Variants in KCTD1 observed in about 807,000 individuals in gnomAD.
KCTD1 encodes BTB/POZ domain-containing protein KCTD1.
KCTD1 carries 24 observed loss-of-function variants against 66.0 expected under a neutral mutation model. The ratio of observed to expected loss-of-function variants is 0.36; its 90% CI spans 0.26 to 0.51. The LOEUF (loss-of-function observed/expected upper bound fraction) is 0.51, where lower values mean the gene tolerates loss of function less well. KCTD1 is among the 20% of genes least tolerant of loss of function. KCTD1 has a pLI of 0.95. For missense variants in KCTD1, 943 were observed against 1,205.2 expected, an observed-to-expected ratio of 0.78 and a Z score of 3.22; for synonymous variants, 511 against 517.2, an observed-to-expected ratio of 0.99 and a Z score of 0.16.
At chr18:26,593,494 A>AG in intron 1 of KCTD1, among the ~76,000 whole-genome samples, 2 of 90,662 alleles carry the variant, frequency 2.2e-5, no homozygotes, top group East Asian at 4.4e-4. Flanking sequence ...GAAGACAAGG[A>AG]GGAGGAGGAA....
In KCTD1 at chr18:26,647,125, T is replaced by C. The variant is rs146004359; in HGVS notation, c.9+10235A>G. Among the ~76,000 whole-genome samples the C allele has an allele frequency of 1.3e-3, 201 of 152,308 alleles. 2 individuals carry two copies. Among genetic ancestry groups the C allele is most frequent in the African/African-American group, 4.6e-3 (193 of 41,566 alleles). On this transcript the variant is annotated intron_variant, in intron 1 of 4. Transcript: ENST00000580191. ...CCTATAGAAAACCACCTGCACTTCT[T>C]ACAGAGCTAGTGTGACTTATACAAC...
chr18:26,496,341 T>C (rs1211180021), intron 2 of KCTD1, among the ~76,000 whole-genome samples: 1 of 152,232 alleles, frequency 6.6e-6, no homozygotes, highest in East Asian at 1.9e-4. Flanking sequence ...GGTGGTAATA[T>C]ATTTTTCTTG....
chr18:26,467,976 C>T (rs1980840950), intron 3 of KCTD1, among the ~76,000 whole-genome samples: 1 of 152,010 alleles, frequency 6.6e-6, no homozygotes, highest in Non-Finnish European at 1.5e-5. Flanking sequence ...ACATGGGGGC[C>T]ACTTACCAAA....
At chr18:26,517,095 ACT>A (rs1983689663) in intron 1 of KCTD1, among the ~76,000 whole-genome samples, 1 of 152,196 alleles carries the variant, frequency 6.6e-6, no homozygotes, top group South Asian at 2.1e-4. Flanking sequence ...GCCTGTGCTC[ACT>A]GAGGAATCTC....
chr18:26,581,746 A>G (rs1986358358), intron 1 of KCTD1: 1 of 152,194 alleles, frequency 6.6e-6, no homozygotes, highest in African/African-American at 2.4e-5. Context: ...AAATAAATAC[A>G]TACATATTTG....
chr18:26,551,493 C>T (rs1985564999), upstream of KCTD1, among the ~76,000 whole-genome samples: 1 of 152,088 alleles, frequency 6.6e-6, no homozygotes, highest in Non-Finnish European at 1.5e-5. Flanking sequence ...GGATCTGCTT[C>T]GTTGCACCAG....
At position 26,651,783 on chromosome 18, in the gene KCTD1, CAAA is replaced by C. The variant is rs397858862; in HGVS notation, c.9+5574_9+5576del. Among the ~76,000 whole-genome samples, 448 of 75,226 alleles carry C rather than the reference CAAA, an allele frequency of 6.0e-3. 1 individual carries two copies. Among genetic ancestry groups the C allele is most frequent in the Non-Finnish European group, 9.7e-3 (362 of 37,364 alleles). The allele number at this position is 75,226 out of a possible 152,430, so 49.4% of individuals were successfully genotyped here. On this transcript the variant is annotated intron_variant, in intron 1 of 4. Transcript: ENST00000580191. Reference sequence around the variant, plus strand: ...TGGGTGACAGAGCAAAACTCGGTCTCAAAAAAAAAAAAAAAAAAGAAGAAGAAG... The same window carrying C: ...TGGGTGACAGAGCAAAACTCGGTCTCAAAAAAAAAAAAAAAGAAGAAGAAG...
chr18:26,489,654 TG>T (rs1395668139), intron 2 of KCTD1, among the ~76,000 whole-genome samples: 1 of 152,242 alleles, frequency 6.6e-6, no homozygotes, highest in Non-Finnish European at 1.5e-5. Flanking sequence ...TTTTCCACGT[TG>T]GCCTGATAAA....
intron 1 of KCTD1, among the ~76,000 whole-genome samples, chr18:26,608,383 T>A (rs545670750): frequency 6.6e-6 from 1 of 152,322 alleles, no homozygotes; most frequent in South Asian, 2.1e-4. Flanking sequence ...GTTTTTCAGT[T>A]CTTTAGTTCA....
intron 1 of KCTD1, among the ~76,000 whole-genome samples, chr18:26,582,105 CAAA>C (rs34695011): frequency 2.2e-4 from 29 of 134,780 alleles, no homozygotes; most frequent in Admixed American, 4.5e-4. Context: ...CTGTCTCTAC[CAAA>C]AAAAAAAAAA....
chr18:26,615,316 T>C (rs1351730529), intron 1 of KCTD1, among the ~76,000 whole-genome samples: 2 of 152,184 alleles, frequency 1.3e-5, no homozygotes, highest in Non-Finnish European at 2.9e-5. Context: ...CTCTCATTTA[T>C]GGAGCAAGGG....
chr18:26,526,151 G>A (rs995218238), intron 1 of KCTD1, among the ~76,000 whole-genome samples: 13 of 152,154 alleles, frequency 8.5e-5, no homozygotes, highest in South Asian at 6.2e-4. Context: ...AAAATCCAGG[G>A]TGGCACAAAA....
At chr18:26,654,222 T>C (rs1429380398) in intron 1 of KCTD1, among the ~76,000 whole-genome samples, 2 of 152,182 alleles carry the variant, frequency 1.3e-5, no homozygotes, top group Non-Finnish European at 1.5e-5. Context: ...TACTCTTACA[T>C]TTAAAAACCT....
At chr18:26,584,631 C>T (rs1289536820) in intron 1 of KCTD1, among the ~76,000 whole-genome samples, 3 of 152,086 alleles carry the variant, frequency 2.0e-5, no homozygotes, top group Non-Finnish European at 4.4e-5. Context: ...ACAGTCCCTG[C>T]CTTTAAGGGG....
intron 1 of KCTD1, among the ~76,000 whole-genome samples, chr18:26,561,805 A>T (rs1985856879): frequency 6.6e-6 from 1 of 152,198 alleles, no homozygotes; most frequent in Non-Finnish European, 1.5e-5. Context: ...TCTAGGAATC[A>T]GGGTCAGAGT....
At chr18:26,593,487 GACA>G (rs199859230) in intron 1 of KCTD1, among the ~76,000 whole-genome samples, 1 of 110,822 alleles carries the variant, frequency 9.0e-6, no homozygotes, top group African/African-American at 3.6e-5. Flanking sequence ...GGAGGAAGAA[GACA>G]AGGAGGAGGA....
chr18:26,570,691 A>T (rs1567997052), intron 1 of KCTD1, among the ~76,000 whole-genome samples: 1 of 152,176 alleles, frequency 6.6e-6, no homozygotes, highest in Non-Finnish European at 1.5e-5. Flanking sequence ...GATTACAGGC[A>T]TGAGCCACCA....
At chr18:26,580,331 C>T (rs973212359) in intron 1 of KCTD1, among the ~76,000 whole-genome samples, 8 of 152,056 alleles carry the variant, frequency 5.3e-5, no homozygotes, top group African/African-American at 1.4e-4. Flanking sequence ...GCAGTGGGCG[C>T]GGTTTGCATC....
intron 4 of KCTD1, 91 bp from the exon 5 acceptor site, chr18:26,455,992 G>A: frequency 8.1e-7 from 1 of 1,233,130 alleles, no homozygotes; most frequent in Non-Finnish European, 1.1e-6. Context: ...TGCGCACTCT[G>A]GTTCATCTCA....
Sources: gnomAD v4.1 joint callset for allele counts (sites outside exome capture counted in the v4.1 genomes callset) on GRCh38, gnomAD v4.1.1 for gene constraint, MANE v1.5 for transcripts, NCBI Gene and HGNC (gene_info 2026-07-23, HGNC 2026-07-21) for gene names.